Variants in C1orf198 observed in about 807,000 individuals in gnomAD.
C1orf198 encodes the protein uncharacterized protein C1orf198.
C1orf198 carries 17 observed loss-of-function variants against 31.4 expected under a neutral mutation model. The observed-to-expected ratio is 0.54, with a 90% confidence interval of 0.37 to 0.81. C1orf198 has a LOEUF of 0.81. C1orf198 is among the 40% of genes least tolerant of loss of function. The pLI is 0.00. For missense variants in C1orf198, 401 were observed against 450.3 expected (o/e 0.89, Z 0.99); for synonymous variants, 175 against 193.8 (o/e 0.90, Z 0.81).
intron 1 of C1orf198, among the ~76,000 whole-genome samples, chr1:230,860,255 T>C (rs958079877): frequency 2.0e-5 from 3 of 152,214 alleles, no homozygotes; most frequent in African/African-American, 7.2e-5. Context: ...TTGTGCACTC[T>C]TGGTGGGAAT....
chr1:230,860,819 A>AACATT (rs1374499962), intron 1 of C1orf198, among the ~76,000 whole-genome samples: 1 of 152,224 alleles, frequency 6.6e-6, no homozygotes, highest in African/African-American at 2.4e-5. Flanking sequence ...ATGATTGCAC[A>AACATT]ACATTGAGAC....
chr1:230,860,463 C>T (rs879713114), intron 1 of C1orf198, among the ~76,000 whole-genome samples: 3 of 152,154 alleles, frequency 2.0e-5, no homozygotes, highest in Non-Finnish European at 4.4e-5. Context: ...ACCAGGTATC[C>T]ACTGACAGAT....
intron 2 of C1orf198, among the ~76,000 whole-genome samples, chr1:230,844,427 C>A (rs1171743526): frequency 6.6e-6 from 1 of 152,138 alleles, no homozygotes; most frequent in Non-Finnish European, 1.5e-5. Flanking sequence ...CAAGCAGATG[C>A]CGATGCCATG....
At chr1:230,847,933 G>A (rs149705729) in intron 2 of C1orf198, among the ~76,000 whole-genome samples, 2 of 152,222 alleles carry the variant, frequency 1.3e-5, no homozygotes, top group Non-Finnish European at 2.9e-5. Context: ...TCTAGAAGGT[G>A]AGACAGAACT....
chr1:230,855,884 G>A (rs1669858224), intron 1 of C1orf198, 166 bp from the exon 2 acceptor site: 1 of 1,399,414 alleles, frequency 7.1e-7, no homozygotes, highest in East Asian at 2.5e-5. Context: ...TGACCGTCTT[G>A]ATCAGATTGC....
rs552734028 is a variant in C1orf198 at position 230,857,288 on chromosome 1, C to T, written c.334-1570G>A. 1.6e-4 allele frequency among the ~76,000 whole-genome samples: 25 copies of T among 152,332 alleles called. No individual in the cohort carries two copies. Among genetic ancestry groups the T allele is most frequent in the Admixed American group, 1.4e-3 (22 of 15,300 alleles). ...GGGGCAACACAGCAGGGCCTTTGTC[C>T]GCTTCTCTATCCCAAGTGCCCGGAA... On this transcript the variant is annotated intron_variant, in intron 1 of 3. Coordinates refer to ENST00000366663, the MANE Select transcript of C1orf198 (RefSeq NM_032800.3). The surrounding 1 kb of genome is among the most constrained non-coding windows in gnomAD (Gnocchi z 4.2).
Position 230,840,022 on chromosome 1 carries a change from T to A in C1orf198, c.928-114A>T. The A allele has an allele frequency of 1.1e-6, 1 of 879,656 alleles. No individual in the cohort carries two copies. The highest frequency in any genetic ancestry group is 1.7e-6 in the Non-Finnish European group (1 of 572,546). 54.5% of individuals were successfully genotyped at this position (879,656 alleles called of 1,614,324 possible). On this transcript the variant is annotated intron_variant, in intron 3 of 3. Transcript: ENST00000366663. This position sits in a 1 kb window ranked among gnomAD's most constrained non-coding sequence, Gnocchi z 4.0. ...CCAGATAAAAGAGCCTACTTCTGTC[T>A]CAGAGGTTCCCTGACCTCAATTTAT...
At chr1:230,858,863 A>G (rs1302602050) in intron 1 of C1orf198, among the ~76,000 whole-genome samples, 1 of 152,228 alleles carries the variant, frequency 6.6e-6, no homozygotes, top group Admixed American at 6.5e-5. Flanking sequence ...CTTAGCCCAG[A>G]GCTTGGGGAC....
At chr1:230,842,360 T>C (rs972036835) in intron 3 of C1orf198, among the ~76,000 whole-genome samples, 14 of 152,296 alleles carry the variant, frequency 9.2e-5, no homozygotes, top group African/African-American at 3.1e-4. Flanking sequence ...CACCAATCAA[T>C]GAGTGGATAA....
intron 3 of C1orf198, 57 bp from the exon 4 acceptor site, chr1:230,839,965 T>A (rs904441244): frequency 6.1e-5 from 91 of 1,494,838 alleles, no homozygotes; most frequent in Non-Finnish European, 8.0e-5. Context: ...CAGTTACGTA[T>A]AATCTAAAAA....
At chr1:230,865,719 G>A (rs1327070936) in intron 1 of C1orf198, among the ~76,000 whole-genome samples, 1 of 152,206 alleles carries the variant, frequency 6.6e-6, no homozygotes, top group South Asian at 2.1e-4. Context: ...TGAGTGAACT[G>A]AGCCCCTGAC....
At chr1:230,861,945 C>G (rs1438282646) in intron 1 of C1orf198, among the ~76,000 whole-genome samples, 2 of 152,198 alleles carry the variant, frequency 1.3e-5, no homozygotes, top group African/African-American at 4.8e-5. Context: ...CCTGTGGCAT[C>G]TTGGCTTGAA....
chr1:230,839,714 A>C lies in C1orf198; in HGVS notation c.*138T>G. 1 of 727,148 alleles carries C rather than the reference A, an allele frequency of 1.4e-6. No homozygotes were observed. Among genetic ancestry groups the C allele is most frequent in the Non-Finnish European group, 2.2e-6 (1 of 451,124 alleles). The allele number at this position is 727,148 out of a possible 1,614,324, so 45.0% of individuals were successfully genotyped here. On this transcript the variant is annotated 3_prime_UTR_variant, in exon 4 of 4. Transcript: ENST00000366663. The stretch of plus-strand genomic sequence containing the variant: ...AAAAGAAAAAAATCTGGCAATATTG[A>C]CCAGTTTCCAAATGATTAAGAAAAG...
intron 3 of C1orf198, among the ~76,000 whole-genome samples, chr1:230,841,752 A>G (rs1669449263): frequency 6.6e-6 from 1 of 152,224 alleles, no homozygotes; most frequent in South Asian, 2.1e-4. Flanking sequence ...TAGAACCACC[A>G]TGTGATCCAG....
intron 3 of C1orf198, among the ~76,000 whole-genome samples, chr1:230,842,746 T>C (rs1669475673): frequency 7.2e-6 from 1 of 138,988 alleles, no homozygotes; most frequent in Non-Finnish European, 1.5e-5. Flanking sequence ...ATTTAAAAAA[T>C]AAAAATTAAA....
chr1:230,840,028 G>T lies in C1orf198; in HGVS notation c.928-120C>A. 2.5e-6 allele frequency: 2 copies of T among 791,622 alleles called. No individual in the cohort carries two copies. The highest frequency in any genetic ancestry group is 6.0e-5 in the Admixed American group (2 of 33,388). 49.0% of individuals were successfully genotyped at this position (791,622 alleles called of 1,614,324 possible). Reference sequence around the variant, plus strand: ...AAAAGAGCCTACTTCTGTCTCAGAGGTTCCCTGACCTCAATTTATCTCAGT... The same window carrying T: ...AAAAGAGCCTACTTCTGTCTCAGAGTTTCCCTGACCTCAATTTATCTCAGT... On this transcript the variant is annotated intron_variant, in intron 3 of 3. Transcript: ENST00000366663. The surrounding 1 kb of genome is among the most constrained non-coding windows in gnomAD (Gnocchi z 4.0).
At chr1:230,867,281 T>C (rs1174612826) in intron 1 of C1orf198, among the ~76,000 whole-genome samples, 1 of 152,206 alleles carries the variant, frequency 6.6e-6, no homozygotes, top group African/African-American at 2.4e-5. Context: ...GTTAAACACA[T>C]TTCTAAGAAA....
At chr1:230,856,128 A>G (rs1213821843) in intron 1 of C1orf198, 1 of 319,442 alleles carries the variant, frequency 3.1e-6, no homozygotes, top group African/African-American at 2.2e-5. Flanking sequence ...CATTTGTAAA[A>G]GCAAAATGAT....
At chr1:230,864,579 TA>T (rs1446095617) in intron 1 of C1orf198, among the ~76,000 whole-genome samples, 1 of 152,128 alleles carries the variant, frequency 6.6e-6, no homozygotes, top group Non-Finnish European at 1.5e-5. Context: ...CCGGGTTCTT[TA>T]AAAATCCACG....
Sources: allele counts gnomAD v4.1 joint callset (sites outside exome capture counted in the v4.1 genomes callset), GRCh38; gene constraint gnomAD v4.1.1; non-coding constraint Gnocchi (gnomAD v3.1); transcripts MANE v1.5; gene names NCBI Gene and HGNC (gene_info 2026-07-23, HGNC 2026-07-21).